Variants in DGKB observed in about 807,000 individuals in gnomAD.
DGKB encodes 90 kDa diacylglycerol kinase.
Under a neutral mutation model 114.3 loss-of-function variants are expected in DGKB, and 67 were observed. The ratio of observed to expected loss-of-function variants is 0.59; its 90% CI spans 0.48 to 0.72. DGKB has a LOEUF of 0.72. DGKB is among the 30% of genes least tolerant of loss of function. DGKB has a pLI of 0.00. For missense variants in DGKB, 907 were observed against 975.2 expected, an observed-to-expected ratio of 0.93 and a Z score of 0.93; for synonymous variants, 398 against 323.1, an observed-to-expected ratio of 1.23 and a Z score of -2.49.
intron 20 of DGKB, among the ~76,000 whole-genome samples, chr7:14,563,614 A>G (rs1313985821): frequency 7.8e-6 from 1 of 128,728 alleles, no homozygotes; most frequent in African/African-American, 2.9e-5. Context: ...GTTATTTTAA[A>G]TTATCTGTCA....
intron 21 of DGKB, among the ~76,000 whole-genome samples, chr7:14,418,358 T>C (rs1826087652): frequency 9.4e-6 from 1 of 106,214 alleles, no homozygotes; most frequent in Admixed American, 9.8e-5. Flanking sequence ...TATTCACATA[T>C]ATATGTGTGT....
chr7:14,173,100 T>A (rs1781246465), intron 25 of DGKB, among the ~76,000 whole-genome samples: 1 of 152,212 alleles, frequency 6.6e-6, no homozygotes, highest in Non-Finnish European at 1.5e-5. Flanking sequence ...AAAATAATTG[T>A]GTTAACTCAG....
chr7:14,698,247 T>C, intron 7 of DGKB, 78 bp from the exon 8 acceptor site: 1 of 886,266 alleles, frequency 1.1e-6, no homozygotes, highest in Non-Finnish European at 1.7e-6. Flanking sequence ...AGAAATTGTT[T>C]TGTTCAATGT....
At chr7:14,820,245 G>A (rs1375479550) in intron 2 of DGKB, among the ~76,000 whole-genome samples, 1 of 151,836 alleles carries the variant, frequency 6.6e-6, no homozygotes, top group African/African-American at 2.4e-5. Flanking sequence ...TTAAATTCAT[G>A]TTTTTTAAAA....
intron 13 of DGKB, among the ~76,000 whole-genome samples, chr7:14,663,927 G>A (rs557751049): frequency 1.3e-5 from 2 of 151,956 alleles, no homozygotes; most frequent in South Asian, 4.2e-4. Context: ...TAGTTTTAAG[G>A]GCAATCTCTT....
intron 13 of DGKB, among the ~76,000 whole-genome samples, chr7:14,645,918 C>T (rs551486148): frequency 6.6e-6 from 1 of 151,906 alleles, no homozygotes; most frequent in Non-Finnish European, 1.5e-5. Context: ...GTTATTTCTA[C>T]AGAAAACAAG....
At chr7:14,446,489 A>G (rs1041344674) in intron 21 of DGKB, among the ~76,000 whole-genome samples, 10 of 152,236 alleles carry the variant, frequency 6.6e-5, no homozygotes, top group Admixed American at 5.2e-4. Context: ...TAGGCACATG[A>G]CATACAGACA....
chr7:14,573,597 T>C (rs1000609601), intron 20 of DGKB, among the ~76,000 whole-genome samples: 1 of 151,964 alleles, frequency 6.6e-6, no homozygotes, highest in Admixed American at 6.6e-5. Flanking sequence ...GATTTCATAA[T>C]CATTGGCTAA....
chr7:14,461,449 A>G (rs1760568855), intron 21 of DGKB, among the ~76,000 whole-genome samples: 1 of 152,172 alleles, frequency 6.6e-6, no homozygotes. Context: ...AGAAATACAA[A>G]CTACCATCAG....
intron 1 of DGKB, among the ~76,000 whole-genome samples, chr7:14,936,879 G>C (rs923548122): frequency 2.6e-5 from 4 of 152,050 alleles, no homozygotes; most frequent in African/African-American, 9.7e-5. Flanking sequence ...GGTGACACTT[G>C]GAGGGGACTA....
chr7:14,895,018 A>C (rs1314062020), intron 1 of DGKB, among the ~76,000 whole-genome samples: 2 of 151,488 alleles, frequency 1.3e-5, no homozygotes, highest in African/African-American at 4.8e-5. Context: ...TAGCAAAATG[A>C]CTCATCAGCT....
chr7:14,383,555 A>G (rs541564015), intron 21 of DGKB, among the ~76,000 whole-genome samples: 2 of 152,250 alleles, frequency 1.3e-5, no homozygotes, highest in East Asian at 1.9e-4. Context: ...CTGCTCTGCC[A>G]TCTCCAATGT....
chr7:14,392,681 C>G (rs1029232108), intron 21 of DGKB, among the ~76,000 whole-genome samples: 2 of 152,082 alleles, frequency 1.3e-5, no homozygotes, highest in African/African-American at 4.8e-5. Context: ...TGTCTAAACT[C>G]AGAAAGTGGA....
chr7:14,542,547 A>C (rs1337117494), intron 20 of DGKB, among the ~76,000 whole-genome samples: 8 of 152,064 alleles, frequency 5.3e-5, no homozygotes, highest in Non-Finnish European at 1.2e-4. Flanking sequence ...ATATAATTTC[A>C]CTAGTTTTGC....
In DGKB at chr7:14,509,364, G is replaced by A. The variant is rs138361257; in HGVS notation, c.1771-31139C>T. Among the ~76,000 whole-genome samples the A allele has an allele frequency of 2.4e-3, 367 of 152,112 alleles. 1 individual carries two copies. The highest frequency in any genetic ancestry group is 8.3e-3 in the African/African-American group (343 of 41,496). On this transcript the variant is annotated intron_variant, in intron 20 of 25. Coordinates refer to ENST00000402815, the MANE Select transcript of DGKB (RefSeq NM_001350709.2). ...CTATTGCCTTCATGTCTTTATGCCCGGAGAGAATAACCACTCAGCGGCATG... is the reference window on the plus strand; with the variant it reads ...CTATTGCCTTCATGTCTTTATGCCCAGAGAGAATAACCACTCAGCGGCATG...
Position 14,242,338 on chromosome 7 carries a change from T to A in DGKB, c.2123-64187A>T, listed in dbSNP as rs570769415. ...AAGCAGTAGGGCACCTGTCCTTACATTGTCCTGAAAGTGACCTCCTGTGTG... is the reference window on the plus strand; with the variant it reads ...AAGCAGTAGGGCACCTGTCCTTACAATGTCCTGAAAGTGACCTCCTGTGTG... On this transcript the variant is annotated intron_variant, in intron 23 of 25. Transcript: ENST00000402815. Among the ~76,000 whole-genome samples, 69 of 152,262 alleles carry A rather than the reference T, an allele frequency of 4.5e-4. 1 individual carries two copies. In the South Asian group the frequency reaches 0.014, roughly 31 times the overall value.
chr7:14,834,191 T>C, intron 2 of DGKB, among the ~76,000 whole-genome samples: 1 of 152,176 alleles, frequency 6.6e-6, no homozygotes, highest in East Asian at 1.9e-4. Flanking sequence ...ATTTTTGTTA[T>C]AAATTGTTAT....
chr7:14,645,995 A>C (rs1344393867), intron 13 of DGKB, among the ~76,000 whole-genome samples: 1 of 152,214 alleles, frequency 6.6e-6, no homozygotes, highest in Non-Finnish European at 1.5e-5. Context: ...ATCAGAAAAC[A>C]AATACCAATG....
intron 23 of DGKB, among the ~76,000 whole-genome samples, chr7:14,316,707 A>G (rs1179877818): frequency 3.4e-5 from 5 of 149,130 alleles, no homozygotes; most frequent in Admixed American, 2.7e-4. Context: ...CCAGAGGTAC[A>G]AGGAGGAATT....
Sources: gnomAD v4.1 joint callset for allele counts (sites outside exome capture counted in the v4.1 genomes callset) on GRCh38, gnomAD v4.1.1 for gene constraint, MANE v1.5 for transcripts, NCBI Gene and HGNC (gene_info 2026-07-23, HGNC 2026-07-21) for gene names.